Variants in ZMYM6 observed in about 807,000 individuals in gnomAD.
The protein encoded by ZMYM6 is zinc finger MYM-type protein 6.
In ZMYM6, 90 loss-of-function variants were observed where a neutral mutation model predicts 134.0. The ratio of observed to expected loss-of-function variants is 0.67; its 90% confidence interval spans 0.57 to 0.80. The LOEUF is 0.80. Ranked by LOEUF, ZMYM6 falls within the 30% of genes least tolerant of loss-of-function variation. ZMYM6 has a pLI of 0.00. For synonymous variants in ZMYM6, 481 were observed against 524.1 expected, an observed-to-expected ratio of 0.92 and a Z score of 1.12; for missense variants, 1,362 against 1,533.9, an observed-to-expected ratio of 0.89 and a Z score of 1.87.
chr1:34,986,920 A>C lies in ZMYM6; in HGVS notation c.*184T>G, dbSNP rs1640587495. On this transcript the variant is annotated 3_prime_UTR_variant, in exon 16 of 16. Coordinates refer to ENST00000357182, the MANE Select transcript of ZMYM6 (RefSeq NM_007167.4). ...GAAATAACTAAATTTTCTACCCTAG[A>C]TTATAATTATACATAATTATTTATA... 1 of 386,464 alleles carries C rather than the reference A, an allele frequency of 2.6e-6. No homozygotes were observed. Among genetic ancestry groups the C allele is most frequent in the Non-Finnish European group, 4.4e-6 (1 of 229,410 alleles). The allele number at this position is 386,464 out of a possible 1,614,324, so 23.9% of individuals were successfully genotyped here.
intron 1 of ZMYM6, chr1:35,031,356 A>G (rs911160847): frequency 2.6e-5 from 4 of 152,228 alleles, no homozygotes; most frequent in Non-Finnish European, 4.4e-5. Context: ...AAGAAACTCA[A>G]TTGGCCATTC....
At chr1:34,997,899 GTTGT>G (rs1412249618) in intron 14 of ZMYM6, among the ~76,000 whole-genome samples, 4 of 152,112 alleles carry the variant, frequency 2.6e-5, no homozygotes, top group African/African-American at 9.7e-5. Context: ...TGTCTACTCA[GTTGT>G]CACAGCATTA....
chr1:35,012,791 T>C (rs1451234515), intron 6 of ZMYM6: 3 of 985,192 alleles, frequency 3.0e-6, no homozygotes, highest in East Asian at 2.3e-4. Flanking sequence ...ACTATTCAGA[T>C]AGAGATCTTA....
At position 35,008,816 on chromosome 1, in the gene ZMYM6, T is replaced by G; in HGVS notation, c.1601A>C (p.Glu534Ala). ...ACAACAAAACTCTTCTAACTTGCCC[T>G]CCAATCGATTTTCTACCAAATTTGG... is the stretch of plus-strand genomic sequence containing the variant. Reference protein sequence around the residue: ...TSPNLVENRLEGKLEEFCCED... With the variant: ...TSPNLVENRLAGKLEEFCCED... Residue 534 changes from glutamate to alanine, a missense_variant, in exon 11 of 16, where the codon GAG (glutamate) becomes GCG (alanine). By Grantham distance (107) the Glu-to-Ala change is moderately radical (BLOSUM62 -1). Around this residue, in one of 3 missense-constraint regions of ZMYM6, gnomAD observed 824 missense variants for 940.9 expected, o/e 0.88. Transcript: ENST00000357182. 4 of 1,614,190 alleles carry G rather than the reference T, an allele frequency of 2.5e-6. No homozygotes were observed. Among genetic ancestry groups the G allele is most frequent in the Non-Finnish European group, 3.4e-6 (4 of 1,180,022 alleles).
intron 11 of ZMYM6, among the ~76,000 whole-genome samples, chr1:35,007,545 G>A (rs145114849): frequency 7.9e-5 from 12 of 151,678 alleles, no homozygotes; most frequent in African/African-American, 1.5e-4. Flanking sequence ...CCGAGATCGC[G>A]TCACTGCACT....
At chr1:35,004,632 A>G (rs1035116404) in intron 13 of ZMYM6, among the ~76,000 whole-genome samples, 5 of 151,902 alleles carry the variant, frequency 3.3e-5, no homozygotes, top group Admixed American at 3.3e-4. Flanking sequence ...AAAAATTGAA[A>G]AAACAAAAAT....
In ZMYM6 at chr1:35,007,102, A is replaced by T; in HGVS notation, c.1666-4T>A. On this transcript the variant is annotated splice_polypyrimidine_tract_variant and splice_region_variant and intron_variant, in intron 11 of 15. Transcript: ENST00000357182. ...TACAACCATCACACTTGGCCATCTG[A>T]AAAAGAAATGTTAGACAAGATAGGC... 1 of 1,590,262 alleles carries T rather than the reference A, an allele frequency of 6.3e-7. No individual in the cohort carries two copies. Among genetic ancestry groups the T allele is most frequent in the Non-Finnish European group, 8.5e-7 (1 of 1,171,164 alleles).
rs778596105 is a variant in ZMYM6, at chr1:35,030,669, G to C, written c.-30C>G. 8.8e-6 allele frequency: 14 copies of C among 1,589,838 alleles called. No homozygotes were observed. Among genetic ancestry groups the C allele is most frequent in the African/African-American group, 1.4e-5 (1 of 73,922 alleles). ...ATTTTTTACCTCAAAGAGTGTCTCA[G>C]GCTCAAACGAATAGATTTCTTCTTG... On this transcript the variant is annotated 5_prime_UTR_variant, in exon 2 of 16. Coordinates refer to ENST00000357182, the MANE Select transcript of ZMYM6 (RefSeq NM_007167.4).
At chr1:35,016,377 G>T (rs1641188600) in intron 4 of ZMYM6, among the ~76,000 whole-genome samples, 1 of 152,136 alleles carries the variant, frequency 6.6e-6, no homozygotes, top group Non-Finnish European at 1.5e-5. Context: ...GAGGACAGAT[G>T]GAAACAAGAA....
intron 14 of ZMYM6, among the ~76,000 whole-genome samples, chr1:34,999,519 AT>A (rs1375700105): frequency 2.6e-5 from 4 of 152,226 alleles, no homozygotes; most frequent in African/African-American, 9.6e-5. Context: ...GATGAAAATA[AT>A]GAGTTGAAAA....
chr1:35,013,990 T>G (rs1641138342), intron 6 of ZMYM6, among the ~76,000 whole-genome samples: 1 of 152,202 alleles, frequency 6.6e-6, no homozygotes, highest in African/African-American at 2.4e-5. Context: ...GCGCCGGCCT[T>G]ACAAGATACT....
chr1:35,019,710 T>A (rs1271600807), intron 3 of ZMYM6, 108 bp from the exon 4 acceptor site: 5 of 1,296,330 alleles, frequency 3.9e-6, no homozygotes, highest in African/African-American at 3.0e-5. Flanking sequence ...GGTCTCACTG[T>A]CACCCAGGCT....
rs760131280 is a variant in ZMYM6, at chr1:35,011,061, G to C, written c.1063-25C>G. The C allele has an allele frequency of 9.4e-6, 15 of 1,595,034 alleles. No individual in the cohort carries two copies. The South Asian group carries it at 1.7e-4, about 18-fold the overall frequency. ...TCTGAATGAAAACAAATAAGGTAAAGATTTTATCAACTGAGAAATAAGATA... is the reference window on the plus strand; with the variant it reads ...TCTGAATGAAAACAAATAAGGTAAACATTTTATCAACTGAGAAATAAGATA... On this transcript the variant is annotated intron_variant, in intron 8 of 15. Coordinates refer to ENST00000357182, the MANE Select transcript of ZMYM6 (RefSeq NM_007167.4).
chr1:35,008,085 T>C (rs1641017360), intron 11 of ZMYM6, among the ~76,000 whole-genome samples: 1 of 152,118 alleles, frequency 6.6e-6, no homozygotes, highest in Admixed American at 6.6e-5. Flanking sequence ...AAAATTCTAT[T>C]TTTTTAGAGG....
At chr1:35,025,391 C>T (rs1455720012) in intron 2 of ZMYM6, among the ~76,000 whole-genome samples, 2 of 144,962 alleles carry the variant, frequency 1.4e-5, no homozygotes, top group African/African-American at 5.0e-5. Context: ...TGCGTGAACC[C>T]AGGAGGTGGA....
chr1:35,011,185 C>G, intron 8 of ZMYM6, 149 bp from the exon 9 acceptor site: 1 of 881,258 alleles, frequency 1.1e-6, no homozygotes, highest in Non-Finnish European at 1.7e-6. Flanking sequence ...TGGTATATTT[C>G]CAGAATAAAA....
rs749819751 is a variant in ZMYM6, at chr1:35,019,389, G to A, written c.392C>T (p.Pro131Leu). 1.2e-6 allele frequency: 2 copies of A among 1,614,158 alleles called. No homozygotes were observed. The highest frequency in any genetic ancestry group is 1.3e-5 in the African/African-American group (1 of 75,048). Reference sequence around the variant, plus strand: ...TGTGCAGGTTTTCTTGGGAGGAGGTGGCAGGCAGGCAGGTGAAGAATGTCT... The same window carrying A: ...TGTGCAGGTTTTCTTGGGAGGAGGTAGCAGGCAGGCAGGTGAAGAATGTCT... ...ITRHSSPACLPPPPKKTCTNC... is the reference protein window; with the variant it reads ...ITRHSSPACLLPPPKKTCTNC... Residue 131 changes from proline (P) to leucine (L), a missense_variant, in exon 4 of 16, where the codon CCA (proline) becomes CTA (leucine). Physicochemically the swap from Pro to Leu is moderately conservative, Grantham distance 98. Transcript: ENST00000357182.
chr1:35,024,803 G>A (rs1319717174), intron 2 of ZMYM6, among the ~76,000 whole-genome samples: 44 of 151,796 alleles, frequency 2.9e-4, no homozygotes. Context: ...TATAGATTTA[G>A]GGCTCCTTCC....
chr1:35,010,426 A>T (rs1436238602), intron 10 of ZMYM6, 21 bp downstream of exon 10: 1 of 1,597,856 alleles, frequency 6.3e-7, no homozygotes, highest in Non-Finnish European at 8.5e-7. Flanking sequence ...TGCTCTGTGA[A>T]TAAAACAACT....
Sources: allele counts gnomAD v4.1 joint callset (sites outside exome capture counted in the v4.1 genomes callset), GRCh38; gene constraint gnomAD v4.1.1; regional missense constraint gnomAD v4.1.1; transcripts MANE v1.5; gene names NCBI Gene and HGNC (gene_info 2026-07-23, HGNC 2026-07-21).